CSMD3: variants seen among roughly 807,000 people sequenced by gnomAD.
CSMD3 encodes CUB and sushi domain-containing protein 3.
Under a neutral mutation model 435.2 loss-of-function variants are expected in CSMD3, and 177 were observed. The observed-to-expected ratio is 0.41, with a 90% CI of 0.36 to 0.46. The LOEUF is 0.46. CSMD3 is among the 20% of genes least tolerant of loss of function. The pLI is 0.34. For synonymous variants in CSMD3, 1,656 were observed against 1,520.5 expected (o/e 1.09, Z -2.07); for missense variants, 4,265 against 4,504.6 (o/e 0.95, Z 1.52).
intron 4 of CSMD3, among the ~76,000 whole-genome samples, chr8:113,160,735 C>G (rs2092023356): frequency 6.6e-6 from 1 of 151,888 alleles, no homozygotes; most frequent in Admixed American, 6.6e-5. Context: ...TGAACTGTTC[C>G]CTTTGGGGAT....
chr8:113,091,832 T>C (rs2131513539), intron 5 of CSMD3, among the ~76,000 whole-genome samples: 2 of 152,184 alleles, frequency 1.3e-5, no homozygotes, highest in South Asian at 2.1e-4. Context: ...TTGAGTTTGG[T>C]TTGCTCTTGC....
At chr8:112,607,738 T>C (rs1832913480) in intron 22 of CSMD3, among the ~76,000 whole-genome samples, 1 of 151,912 alleles carries the variant, frequency 6.6e-6, no homozygotes, top group African/African-American at 2.4e-5. Flanking sequence ...TGCAGAAAAA[T>C]CACTTGACAA....
intron 5 of CSMD3, among the ~76,000 whole-genome samples, chr8:113,087,834 C>A (rs2089853630): frequency 6.6e-6 from 1 of 152,118 alleles, no homozygotes; most frequent in East Asian, 1.9e-4. Flanking sequence ...AAAGCAATGG[C>A]AACAAAAGCC....
intron 1 of CSMD3, among the ~76,000 whole-genome samples, chr8:113,336,835 T>C (rs1402910434): frequency 1.3e-5 from 2 of 152,108 alleles, no homozygotes; most frequent in African/African-American, 4.8e-5. Flanking sequence ...GGGGTCTCAT[T>C]ACTGGCCAGC....
chr8:112,794,945 A>T (rs552950475), intron 13 of CSMD3, among the ~76,000 whole-genome samples: 1 of 152,306 alleles, frequency 6.6e-6, no homozygotes, highest in Non-Finnish European at 1.5e-5. Flanking sequence ...AGTGACCAGC[A>T]TTAATTGAAG....
chr8:112,790,500 T>C (rs2078660450), intron 13 of CSMD3, among the ~76,000 whole-genome samples: 1 of 152,064 alleles, frequency 6.6e-6, no homozygotes, highest in African/African-American at 2.4e-5. Flanking sequence ...TTGATTATAA[T>C]GAATTTTCAC....
At chr8:113,410,918 A>AAAGAAAGAAAG (rs2094555995) in intron 1 of CSMD3, among the ~76,000 whole-genome samples, 1 of 147,262 alleles carries the variant, frequency 6.8e-6, no homozygotes, top group East Asian at 2.0e-4. Flanking sequence ...AGAAAGAAAG[A>AAAGAAAGAAAG]AAGAAAGAAA....
At chr8:112,676,423 T>C (rs2075771344) in intron 16 of CSMD3, among the ~76,000 whole-genome samples, 1 of 152,220 alleles carries the variant, frequency 6.6e-6, no homozygotes, top group African/African-American at 2.4e-5. Context: ...TTTAATAAAA[T>C]AAAATTTAAT....
chr8:112,552,616 C>T lies in CSMD3; in HGVS notation c.4339G>A (p.Val1447Ile), dbSNP rs559028004. 1.1e-5 allele frequency: 17 copies of T among 1,612,258 alleles called. No individual in the cohort carries two copies. The African/African-American group carries it at 2.3e-4, about 22-fold the overall frequency. Residue 1447 changes from valine to isoleucine, a missense_variant, in exon 26 of 71, where the codon GTA (valine) becomes ATA (isoleucine). By Grantham distance (29) the Val-to-Ile change is conservative (BLOSUM62 3). Around this residue, in one of 3 missense-constraint regions of CSMD3, gnomAD observed 3,255 missense variants for 3,380.2 expected, o/e 0.96. Transcript: ENST00000297405. ...TACCTGACAATATTTCCAGGATCTA[C>T]CTCAATCATCCACATGCAACGCAGG... ...NNLRCMWMIEVDPGNIVSLQF... is the reference protein window; with the variant it reads ...NNLRCMWMIEIDPGNIVSLQF...
chr8:113,092,978 C>A (rs553026988), intron 5 of CSMD3, among the ~76,000 whole-genome samples: 1 of 151,910 alleles, frequency 6.6e-6, no homozygotes, highest in Non-Finnish European at 1.5e-5. Context: ...TCAAGTACAA[C>A]CATTGGAAAA....
intron 38 of CSMD3, among the ~76,000 whole-genome samples, chr8:112,372,857 GA>G (rs1318046238): frequency 2.1e-5 from 3 of 142,694 alleles, no homozygotes; most frequent in East Asian, 2.0e-4. Flanking sequence ...TCCAAAAATA[GA>G]AAAAAAAAGA....
intron 40 of CSMD3, among the ~76,000 whole-genome samples, chr8:112,349,185 A>G: frequency 6.6e-6 from 1 of 152,114 alleles, no homozygotes; most frequent in East Asian, 1.9e-4. Context: ...TATAATATCA[A>G]AAGATGAGAA....
chr8:113,404,565 TTATAA>T (rs1470368737), intron 1 of CSMD3, among the ~76,000 whole-genome samples: 1 of 151,408 alleles, frequency 6.6e-6, no homozygotes, highest in Non-Finnish European at 1.5e-5. Flanking sequence ...AACAGCTGTA[TTATAA>T]TATAATTTTA....
At chr8:112,526,813 C>T (rs1369190851) in intron 27 of CSMD3, among the ~76,000 whole-genome samples, 2 of 151,290 alleles carry the variant, frequency 1.3e-5, no homozygotes, top group Admixed American at 6.6e-5. Context: ...GAAAACATGC[C>T]CCAAAGAACT....
At chr8:112,372,354 T>C (rs1426636777) in intron 38 of CSMD3, among the ~76,000 whole-genome samples, 3 of 152,178 alleles carry the variant, frequency 2.0e-5, no homozygotes. Context: ...CTTTATTTAG[T>C]AGATAGGAAG....
At chr8:113,087,744 C>A (rs1295057523) in intron 5 of CSMD3, among the ~76,000 whole-genome samples, 1 of 152,114 alleles carries the variant, frequency 6.6e-6, no homozygotes, top group Non-Finnish European at 1.5e-5. Context: ...AGACCTAAAA[C>A]CATAAAAACC....
intron 24 of CSMD3, among the ~76,000 whole-genome samples, chr8:112,566,500 GA>G (rs1325409522): frequency 1.3e-5 from 2 of 152,066 alleles, no homozygotes; most frequent in Non-Finnish European, 2.9e-5. Flanking sequence ...TAGGAGTTAA[GA>G]AATTATTTAG....
intron 1 of CSMD3, among the ~76,000 whole-genome samples, chr8:113,321,668 T>C (rs2093950267): frequency 6.6e-6 from 1 of 152,182 alleles, no homozygotes; most frequent in Non-Finnish European, 1.5e-5. Flanking sequence ...ACTTTTTGAC[T>C]GAATAAATAC....
chr8:113,187,432 A>C (rs1336661339), intron 3 of CSMD3, among the ~76,000 whole-genome samples: 1 of 152,056 alleles, frequency 6.6e-6, no homozygotes, highest in Non-Finnish European at 1.5e-5. Context: ...AAGGAGTTGT[A>C]ACAAGAGGTG....
Sources: allele counts gnomAD v4.1 joint callset (sites outside exome capture counted in the v4.1 genomes callset), GRCh38; gene constraint gnomAD v4.1.1; regional missense constraint gnomAD v4.1.1; transcripts MANE v1.5; gene names NCBI Gene and HGNC (gene_info 2026-07-23, HGNC 2026-07-21).